RERG: variants seen among roughly 807,000 people sequenced by gnomAD.
RERG encodes RAS like estrogen regulated growth inhibitor.
Under a neutral mutation model 23.2 loss-of-function variants are expected in RERG, and 25 were observed. The observed-to-expected ratio is 1.08, with a 90% confidence interval of 0.79 to 1.50. The LOEUF is 1.50. Ranked by LOEUF, RERG falls within the 40% of genes most tolerant of loss-of-function variation. The pLI is 0.00. For synonymous variants in RERG, 81 were observed against 89.1 expected (o/e 0.91, Z 0.51); for missense variants, 253 against 250.1 (o/e 1.01, Z -0.08).
chr12:15,198,824 C>T (rs778892895), intron 2 of RERG, among the ~76,000 whole-genome samples: 4 of 152,188 alleles, frequency 2.6e-5, no homozygotes, highest in Non-Finnish European at 5.9e-5. Flanking sequence ...TGTCACATCT[C>T]CCCCGACTTC....
chr12:15,204,237 CAGAAT>C (rs1478215712), intron 2 of RERG, among the ~76,000 whole-genome samples: 2 of 151,636 alleles, frequency 1.3e-5, no homozygotes, highest in Admixed American at 1.3e-4. Context: ...ACCAACAGAA[CAGAAT>C]AGAGAGCCCA....
chr12:15,149,738 C>G (rs771524255), intron 2 of RERG, among the ~76,000 whole-genome samples: 5 of 152,178 alleles, frequency 3.3e-5, no homozygotes, highest in Non-Finnish European at 7.3e-5. Context: ...AAATAGCCAA[C>G]AGCATGATTA....
intron 2 of RERG, among the ~76,000 whole-genome samples, chr12:15,216,501 G>A (rs1320755355): frequency 6.6e-6 from 1 of 152,194 alleles, no homozygotes; most frequent in African/African-American, 2.4e-5. Flanking sequence ...AGATTTTGTG[G>A]ATTACCTAAT....
intron 2 of RERG, among the ~76,000 whole-genome samples, chr12:15,172,601 T>C (rs1028006424): frequency 6.6e-5 from 10 of 152,206 alleles, no homozygotes; most frequent in African/African-American, 2.4e-4. Context: ...CAACATTATT[T>C]GAGAGTCGCA....
intron 2 of RERG, among the ~76,000 whole-genome samples, chr12:15,134,298 A>AT (rs554940899): frequency 5.3e-5 from 8 of 151,874 alleles, no homozygotes; most frequent in African/African-American, 1.9e-4. Context: ...ATCCAGGTTC[A>AT]TTTTTTTCTT....
At chr12:15,112,709 A>G (rs999008517) in intron 3 of RERG, among the ~76,000 whole-genome samples, 3 of 152,240 alleles carry the variant, frequency 2.0e-5, no homozygotes, top group African/African-American at 7.2e-5. Flanking sequence ...ACAAAGGAAC[A>G]TGTAAAAGTA....
intron 2 of RERG, among the ~76,000 whole-genome samples, chr12:15,162,594 G>A (rs557204269): frequency 2.4e-4 from 36 of 152,290 alleles, no homozygotes; most frequent in African/African-American, 8.4e-4. Context: ...TACAATGGGT[G>A]GGAGTATTGA....
Position 15,117,983 on chromosome 12 carries a change from C to T in RERG, c.118+3080G>A, listed in dbSNP as rs140718269. ...GTGCTGGCCACCCACAAAGATTTCA[C>T]CGATCCACAGTATAATAAGGAAAAT... On this transcript the variant is annotated intron_variant, in intron 3 of 4. Transcript: ENST00000256953. 4.5e-3 allele frequency among the ~76,000 whole-genome samples: 691 copies of T among 152,246 alleles called. 3 individuals carry two copies. The highest frequency in any genetic ancestry group is 0.016 in the African/African-American group (652 of 41,540).
chr12:15,152,669 G>A (rs1345462168), intron 2 of RERG, among the ~76,000 whole-genome samples: 1 of 152,066 alleles, frequency 6.6e-6, no homozygotes, highest in Non-Finnish European at 1.5e-5. Flanking sequence ...ACCACCCTGT[G>A]GTTTCGCATG....
intron 2 of RERG, among the ~76,000 whole-genome samples, chr12:15,176,913 T>A (rs1864858322): frequency 6.6e-6 from 1 of 152,194 alleles, no homozygotes; most frequent in African/African-American, 2.4e-5. Context: ...GCCACACACA[T>A]ACACTTTTTT....
At chr12:15,211,344 G>T (rs1033406188) in intron 2 of RERG, among the ~76,000 whole-genome samples, 2 of 147,594 alleles carry the variant, frequency 1.4e-5, no homozygotes, top group African/African-American at 2.5e-5. Flanking sequence ...AATGCTATTC[G>T]GCCTTAAAAA....
intron 3 of RERG, among the ~76,000 whole-genome samples, chr12:15,116,574 A>G (rs1428487681): frequency 6.6e-6 from 1 of 152,060 alleles, no homozygotes. Flanking sequence ...AGCGTGTGGT[A>G]GCGTGATTTT....
intron 2 of RERG, among the ~76,000 whole-genome samples, chr12:15,204,559 T>C (rs950200592): frequency 2.8e-4 from 43 of 151,788 alleles, no homozygotes; most frequent in African/African-American, 9.9e-4. Flanking sequence ...GCTATGAAGA[T>C]AATACAATTT....
intron 2 of RERG, among the ~76,000 whole-genome samples, chr12:15,208,295 CCTGA>C (rs1318231409): frequency 3.3e-5 from 5 of 152,104 alleles, no homozygotes; most frequent in South Asian, 4.2e-4. Context: ...CCTGGGGAAC[CCTGA>C]CTAATACAGT....
Position 15,176,554 on chromosome 12 carries a change from C to T in RERG, c.61+40875G>A, listed in dbSNP as rs1045036782. On this transcript the variant is annotated intron_variant, in intron 2 of 4. Transcript: ENST00000256953. ...TGTTTTTATTGCTGTTGTTTATTAG[C>T]AAACACACTTGACTGAGTATATAAA... is the stretch of plus-strand genomic sequence containing the variant. Among the ~76,000 whole-genome samples, 2 of 152,034 alleles carry T rather than the reference C, an allele frequency of 1.3e-5. 1 individual carries two copies. The highest frequency in any genetic ancestry group is 4.8e-5 in the African/African-American group (2 of 41,410).
chr12:15,157,102 T>G (rs1301124308), intron 2 of RERG, among the ~76,000 whole-genome samples: 2 of 152,198 alleles, frequency 1.3e-5, no homozygotes, highest in African/African-American at 2.4e-5. Flanking sequence ...CATTTTCCAC[T>G]GTAGTGGATG....
Position 15,111,534 on chromosome 12 carries a change from C to T in RERG, c.119-117G>A. On this transcript the variant is annotated intron_variant, in intron 3 of 4. Coordinates refer to ENST00000256953, the MANE Select transcript of RERG (RefSeq NM_032918.3). ...ATTCCTGATTTTACAGCATAAGGAACTGTGTAGTCTAGGAAAGAGAGGAGA... is the reference window on the plus strand; with the variant it reads ...ATTCCTGATTTTACAGCATAAGGAATTGTGTAGTCTAGGAAAGAGAGGAGA... 5.4e-6 allele frequency: 4 copies of T among 745,026 alleles called. No individual in the cohort carries two copies. The South Asian group carries it at 7.1e-5, about 13-fold the overall frequency. The allele number at this position is 745,026 out of a possible 1,614,324, so 46.2% of individuals were successfully genotyped here.
chr12:15,211,246 C>T (rs148648453), intron 2 of RERG, among the ~76,000 whole-genome samples: 48 of 151,156 alleles, frequency 3.2e-4, no homozygotes, highest in African/African-American at 9.2e-4. Flanking sequence ...CAACTTAATG[C>T]CCATCAATGG....
intron 2 of RERG, among the ~76,000 whole-genome samples, chr12:15,138,380 T>G (rs1864179641): frequency 6.6e-6 from 1 of 152,090 alleles, no homozygotes. Flanking sequence ...TTCAGTGTCT[T>G]TTCTCTTTGC....
Sources: allele counts gnomAD v4.1 joint callset (sites outside exome capture counted in the v4.1 genomes callset), GRCh38; gene constraint gnomAD v4.1.1; transcripts MANE v1.5; gene names NCBI Gene and HGNC (gene_info 2026-07-23, HGNC 2026-07-21).